The following TBC1D2B variants were observed in gnomAD, a reference collection of about 807,000 sequenced individuals.
TBC1D2B encodes TBC1 domain family member 2B, also known as TBC1 domain family, member 2B.
In TBC1D2B, 64 loss-of-function variants were observed where a neutral mutation model predicts 100.8. The ratio of observed to expected loss-of-function variants is 0.64; its 90% CI spans 0.52 to 0.78. The LOEUF is 0.78. Ranked by LOEUF, TBC1D2B falls within the 30% of genes least tolerant of loss-of-function variation. The pLI, the probability that TBC1D2B is intolerant of heterozygous loss-of-function variation, is 0.00. For missense variants in TBC1D2B, 1,052 were observed against 1,218.4 expected, an observed-to-expected ratio of 0.86 and a Z score of 2.03; for synonymous variants, 480 against 479.7, an observed-to-expected ratio of 1.00 and a Z score of -0.01.
intron 9 of TBC1D2B, among the ~76,000 whole-genome samples, chr15:78,009,916 A>C (rs973348463): frequency 6.7e-6 from 1 of 149,892 alleles, no homozygotes; most frequent in Admixed American, 6.7e-5. Context: ...CAGAGCTTGC[A>C]GTGAGCCGAG....
chr15:78,029,088 G>A (rs184474490), intron 4 of TBC1D2B, among the ~76,000 whole-genome samples: 56 of 149,472 alleles, frequency 3.7e-4, no homozygotes, highest in Non-Finnish European at 6.7e-4. Flanking sequence ...ACAGAGTCTC[G>A]GTCTGTCACC....
At chr15:78,042,836 T>C (rs1014539443) in intron 3 of TBC1D2B, among the ~76,000 whole-genome samples, 2 of 152,152 alleles carry the variant, frequency 1.3e-5, no homozygotes, top group African/African-American at 2.4e-5. Context: ...ACCAAAGAGT[T>C]TGGAGCTGCA....
At chr15:78,054,217 T>C (rs1279878963) in intron 1 of TBC1D2B, 30 bp from the exon 2 acceptor site, 5 of 1,602,312 alleles carry the variant, frequency 3.1e-6, no homozygotes, top group Admixed American at 3.5e-5. Flanking sequence ...AAACATGTTA[T>C]GGCCACCAGT....
intron 5 of TBC1D2B, 140 bp from the exon 6 acceptor site, chr15:78,024,679 C>T (rs1390179029): frequency 1.3e-6 from 1 of 787,728 alleles, no homozygotes; most frequent in East Asian, 2.7e-5. Flanking sequence ...TAATACTGAA[C>T]TTCCTCTTGA....
In TBC1D2B at chr15:78,045,009, C is replaced by T; in HGVS notation, c.574G>A (p.Glu192Lys). 6.2e-7 allele frequency: 1 copy of T among 1,613,730 alleles called. No individual in the cohort carries two copies. The highest frequency in any genetic ancestry group is 8.5e-7 in the Non-Finnish European group (1 of 1,179,738). Residue 192 changes from glutamate to lysine, a missense_variant, in exon 3 of 13, where the codon GAG becomes AAG. By Grantham distance (56) the Glu-to-Lys change is moderately conservative. Transcript: ENST00000300584. The part of the protein sequence containing the change: ...AEKARNVLAV[E>K]TVPGELVGEQ... ...CCCACCAGCTCTCCAGGCACAGTCT[C>T]CACAGCTAGGACATTTCTGGCTTTT...
At chr15:78,016,477 G>A (rs1357828190) in intron 8 of TBC1D2B, 69 bp downstream of exon 8, 5 of 1,460,234 alleles carry the variant, frequency 3.4e-6, no homozygotes, top group Non-Finnish European at 3.8e-6. Context: ...TCTGCGAATG[G>A]TTCCTGCTGT....
Position 78,000,977 on chromosome 15 carries a change from C to T in TBC1D2B, c.2696+642G>A, listed in dbSNP as rs376354502. Among the ~76,000 whole-genome samples the T allele has an allele frequency of 1.4e-4, 21 of 152,336 alleles. No individual in the cohort carries two copies. The South Asian group carries it at 3.3e-3, about 24-fold the overall frequency. ...CCTGTCTGTCTCTTGCCTAACCCTG[C>T]AGGACTTCCCAGCACTCAGGATGAA... On this transcript the variant is annotated intron_variant, in intron 12 of 12. Transcript: ENST00000300584.
At chr15:78,017,806 T>C (rs1166537429) in intron 7 of TBC1D2B, 41 bp downstream of exon 7, 2 of 1,357,034 alleles carry the variant, frequency 1.5e-6, no homozygotes, top group Admixed American at 2.0e-5. Flanking sequence ...TTCCTAACCT[T>C]ACCTCCCACC....
At chr15:78,054,245 A>G in intron 1 of TBC1D2B, 58 bp from the exon 2 acceptor site, 2 of 1,533,098 alleles carry the variant, frequency 1.3e-6, no homozygotes, top group South Asian at 2.5e-5. Context: ...AGAGCTTAAA[A>G]AATATTATGT....
intron 12 of TBC1D2B, chr15:77,998,619 G>A (rs2071828191): frequency 2.3e-6 from 1 of 429,312 alleles, no homozygotes; most frequent in Non-Finnish European, 4.2e-6. Flanking sequence ...CCCCTTTTCT[G>A]GCCTCTGATC....
rs749817223 is a variant in TBC1D2B at position 77,998,253 on chromosome 15, G to A, written c.2799C>T (p.Thr933=). ...AGTCCTCACGGATGGCCTCCAGCTC[G>A]GTCAGCTCCAGCCGGACTTTCTCCA... The part of the protein sequence containing the change: ...YHLEKVRLEL[T]ELEAIREDFL... The change falls in exon 13 of 13, where the codon ACC becomes ACT. Residue 933 remains threonine (T), a synonymous_variant. Transcript: ENST00000300584. 52 of 1,597,392 alleles carry A rather than the reference G, an allele frequency of 3.3e-5. No individual in the cohort carries two copies. The highest frequency in any genetic ancestry group is 9.1e-5 in the East Asian group (4 of 43,886).
rs1567008833 is a variant in TBC1D2B, at chr15:77,997,093, A to C, written c.*1067T>G. The C allele has an allele frequency of 2.0e-5, 3 of 152,598 alleles. No homozygotes were observed. In the Middle Eastern group the frequency reaches 0.01, roughly 519 times the overall value. 9.5% of individuals were successfully genotyped at this position (152,598 alleles called of 1,614,324 possible). ...CACCCAAGCCTGCCCCAAGCAAAAA[A>C]GTTTCCCAGCCCCAGGCACTGGCAG... On this transcript the variant is annotated 3_prime_UTR_variant, in exon 13 of 13. Transcript: ENST00000300584.
chr15:78,054,330 A>C (rs2073375949), intron 1 of TBC1D2B, 143 bp from the exon 2 acceptor site: 1 of 834,238 alleles, frequency 1.2e-6, no homozygotes, highest in Non-Finnish European at 1.7e-6. Flanking sequence ...TTACAAGATT[A>C]GTAGCTTTTG....
intron 12 of TBC1D2B, among the ~76,000 whole-genome samples, chr15:78,000,206 C>T (rs28441175): frequency 0.052 from 7,884 of 152,250 alleles, 413 homozygotes; most frequent in African/African-American, 0.13. Flanking sequence ...GAGACCGTAC[C>T]GCGAGCCACT....
At chr15:78,018,463 C>T (rs1043872605) in intron 6 of TBC1D2B, among the ~76,000 whole-genome samples, 17 of 152,254 alleles carry the variant, frequency 1.1e-4, no homozygotes, top group Middle Eastern at 3.4e-3. Flanking sequence ...TGACCTAAAA[C>T]GTATAAGGCA....
Position 78,025,500 on chromosome 15 carries a change from A to G in TBC1D2B, c.848-3T>C. 1 of 1,574,044 alleles carries G rather than the reference A, an allele frequency of 6.4e-7. No homozygotes were observed. On this transcript the variant is annotated splice_polypyrimidine_tract_variant and splice_region_variant and intron_variant, in intron 4 of 12. Coordinates refer to ENST00000300584, the MANE Select transcript of TBC1D2B (RefSeq NM_144572.2). ...GGGGAATCCTGAGCCAGTTACTCCT[A>G]CATAAAAATAAAACTTGTATTTTAT...
chr15:78,073,241 T>C (rs2073768278), intron 1 of TBC1D2B, among the ~76,000 whole-genome samples: 1 of 151,834 alleles, frequency 6.6e-6, no homozygotes, highest in Admixed American at 6.6e-5. Context: ...AATAGAGGAG[T>C]TTCCCAAGAA....
intron 2 of TBC1D2B, among the ~76,000 whole-genome samples, chr15:78,046,959 C>T (rs921020797): frequency 5.9e-5 from 9 of 152,168 alleles, no homozygotes; most frequent in African/African-American, 2.2e-4. Flanking sequence ...CTGACTTGAC[C>T]ACAATCAGTG....
Position 78,045,114 on chromosome 15 carries a change from C to T in TBC1D2B, c.515-46G>A, listed in dbSNP as rs375472766. The T allele has an allele frequency of 2.5e-5, 38 of 1,537,106 alleles. No homozygotes were observed. The African/African-American group carries it at 2.5e-4, about 10-fold the overall frequency. ...ATGTCAGTTACTCAAAGCTTCCACACGAAACTTGACATCCCACATAAAACA... is the reference window on the plus strand; with the variant it reads ...ATGTCAGTTACTCAAAGCTTCCACATGAAACTTGACATCCCACATAAAACA... On this transcript the variant is annotated intron_variant, in intron 2 of 12. Transcript: ENST00000300584.
Sources: allele counts gnomAD v4.1 joint callset (sites outside exome capture counted in the v4.1 genomes callset), GRCh38; gene constraint gnomAD v4.1.1; transcripts MANE v1.5; gene names NCBI Gene and HGNC (gene_info 2026-07-23, HGNC 2026-07-21).